Variants in TCF25 observed in about 807,000 individuals in gnomAD.
The protein encoded by TCF25 is TCF25 ribosome quality control complex subunit.
A neutral mutation model predicts 83.1 loss-of-function variants in TCF25; 41 were observed. The ratio of observed to expected loss-of-function variants is 0.49; its 90% CI spans 0.38 to 0.64. The LOEUF is 0.64. TCF25 is among the 30% of genes least tolerant of loss of function. The pLI is 0.00. For synonymous variants in TCF25, 458 were observed against 365.0 expected (o/e 1.25, Z -2.90); for missense variants, 979 against 914.5 (o/e 1.07, Z -0.91).
chr16:89,905,050 C>T lies in TCF25; in HGVS notation c.1582C>T (p.Gln528Ter). ...GGAGGAGAACGTCCACGAGGTTCTG[C>T]AAGCAGTGGACGCCGGGGACCCAGC... ...WLEENVHEVL[Q>*]AVDAGDPAVE... The change falls in exon 14 of 18, where the codon CAA becomes TAA. Residue 528 changes from glutamine (Q) to a stop codon, truncating the protein, a stop_gained. Coordinates refer to ENST00000263346, the MANE Select transcript of TCF25 (RefSeq NM_014972.3). LOFTEE classifies it high-confidence loss of function. 3 of 1,603,616 alleles carry T rather than the reference C, an allele frequency of 1.9e-6. No individual in the cohort carries two copies. The highest frequency in any genetic ancestry group is 2.6e-6 in the Non-Finnish European group (3 of 1,175,750).
In TCF25 at chr16:89,883,514, T is replaced by A; in HGVS notation, c.354+2T>A. 6.3e-7 allele frequency: 1 copy of A among 1,594,022 alleles called. No individual in the cohort carries two copies. The highest frequency in any genetic ancestry group is 8.5e-7 in the Non-Finnish European group (1 of 1,171,610). On this transcript the variant is annotated splice_donor_variant, in intron 2 of 17. Coordinates refer to ENST00000263346, the MANE Select transcript of TCF25 (RefSeq NM_014972.3). LOFTEE classifies it high-confidence loss of function. ...ACCGAGACAGTGCCCTCAGAGCAGG[T>A]GGGGGGCTGAGTGGTGAGGAGGTGG...
intron 3 of TCF25, 29 bp from the exon 4 acceptor site, chr16:89,885,819 T>G (rs1054297239): frequency 6.6e-7 from 1 of 1,512,616 alleles, no homozygotes; most frequent in Non-Finnish European, 9.2e-7. Context: ...GTCAGTGTGG[T>G]GATTAAGAGG....
rs2043610584 is a variant in TCF25, at chr16:89,893,779, T to A, written c.749T>A (p.Phe250Tyr). Reference protein sequence around the residue: ...ESKKGLSFFAFEHSEEYQQAQ... With the variant: ...ESKKGLSFFAYEHSEEYQQAQ... ...AAAAAAGGCCTCTCCTTCTTTGCGT[T>A]TGAGCACAGTGAGGAGTACCAGCAG... Residue 250 changes from phenylalanine (F) to tyrosine (Y), a missense_variant, in exon 7 of 18, where the codon TTT becomes TAT. Phe to Tyr is a conservative substitution (Grantham distance 22). Coordinates refer to ENST00000263346, the MANE Select transcript of TCF25 (RefSeq NM_014972.3). 1.2e-6 allele frequency: 2 copies of A among 1,613,606 alleles called. No homozygotes were observed.
chr16:89,907,489 T>A (rs1188961448), intron 16 of TCF25, among the ~76,000 whole-genome samples, 167 bp downstream of exon 16: 1 of 83,956 alleles, frequency 1.2e-5, no homozygotes, highest in Non-Finnish European at 2.4e-5. Flanking sequence ...ACCTCCCAGC[T>A]CCCACCTCCC....
chr16:89,905,005 C>T lies in TCF25; in HGVS notation c.1537C>T (p.Pro513Ser), dbSNP rs1567735414. The T allele has an allele frequency of 6.2e-7, 1 of 1,605,908 alleles. No individual in the cohort carries two copies. The change falls in exon 14 of 18, where the codon CCC becomes TCC. Residue 513 changes from proline (P) to serine (S), a missense_variant. By Grantham distance (74) the Pro-to-Ser change is moderately conservative (BLOSUM62 -1). Transcript: ENST00000263346. ...GAGGTCACACTTTCTCTGGAAAGAG[C>T]CCGCCACCATGAGCTGGCTGGAGGA... ...LGRSHFLWKE[P>S]ATMSWLEENV...
intron 9 of TCF25, among the ~76,000 whole-genome samples, chr16:89,897,974 G>A (rs1055201188): frequency 6.6e-6 from 1 of 152,068 alleles, no homozygotes; most frequent in African/African-American, 2.4e-5. Context: ...GTGGTGGCGG[G>A]TGCCTGTAGT....
intron 3 of TCF25, among the ~76,000 whole-genome samples, chr16:89,885,102 C>T (rs62052176): frequency 0.045 from 5,222 of 116,756 alleles, 359 homozygotes; most frequent in African/African-American, 0.18. Flanking sequence ...CTCTGCCTGA[C>T]GCCCTCTCCC....
intron 16 of TCF25, among the ~76,000 whole-genome samples, chr16:89,908,812 G>GCAGCTCC (rs140194835): frequency 0.32 from 20,066 of 63,696 alleles, 1,689 homozygotes; most frequent in South Asian, 0.46. Flanking sequence ...CTCCCACCTC[G>GCAGCTCC]CAGCTCCCAG....
At chr16:89,889,519 C>G (rs1365721559) in intron 5 of TCF25, 3 of 164,232 alleles carry the variant, frequency 1.8e-5, no homozygotes, top group Non-Finnish European at 3.9e-5. Flanking sequence ...TATTGCTGGT[C>G]TATAACATGC....
Position 89,898,608 on chromosome 16 carries a change from C to G in TCF25, c.1074C>G (p.Gly358=). The G allele has an allele frequency of 6.2e-7, 1 of 1,612,012 alleles. No individual in the cohort carries two copies. Among genetic ancestry groups the G allele is most frequent in the Non-Finnish European group, 8.5e-7 (1 of 1,179,960 alleles). ...YKQMSFLEKR[G]CPRTALEYCK... is the part of the protein sequence containing the mutation. ...AGATGAGCTTCCTGGAGAAGCGAGGCTGCCCGCGCACGGCGCTGGAGTACT... is the reference window on the plus strand; with the variant it reads ...AGATGAGCTTCCTGGAGAAGCGAGGGTGCCCGCGCACGGCGCTGGAGTACT... Residue 358 remains glycine (G), a synonymous_variant, in exon 10 of 18, where the codon GGC becomes GGG. Coordinates refer to ENST00000263346, the MANE Select transcript of TCF25 (RefSeq NM_014972.3).
chr16:89,877,775 G>A (rs942608577), intron 1 of TCF25, among the ~76,000 whole-genome samples: 8 of 152,262 alleles, frequency 5.3e-5, no homozygotes, highest in Admixed American at 3.9e-4. Context: ...GTCCAGGTAC[G>A]TTACCATTTT....
intron 16 of TCF25, among the ~76,000 whole-genome samples, chr16:89,908,682 GCTCCCAC>G (rs1567746239): frequency 9.7e-4 from 1 of 1,032 alleles, no homozygotes; most frequent in African/African-American, 3.6e-3. Context: ...CCTCCTCCCA[GCTCCCAC>G]CTCCCGCCTC....
intron 1 of TCF25, chr16:89,878,334 C>G (rs2042343975): frequency 1.1e-6 from 1 of 907,846 alleles, no homozygotes. Context: ...GCCGGTAATC[C>G]CAGCACTGTG....
rs546398261 is a variant in TCF25 at position 89,896,017 on chromosome 16, C to T, written c.956C>T (p.Ala319Val). The change falls in exon 9 of 18, where the codon GCG (alanine) becomes GTG (valine). Residue 319 changes from alanine to valine, a missense_variant. Coordinates refer to ENST00000263346, the MANE Select transcript of TCF25 (RefSeq NM_014972.3). ...VERALYSMEC[A>V]FHPLFSLTSG... ...AGAGCGCTGTACAGCATGGAATGTG[C>T]GTTCCACCCCCTGTTCAGTCTCACC... 18 of 1,613,872 alleles carry T rather than the reference C, an allele frequency of 1.1e-5. No individual in the cohort carries two copies. The South Asian group carries it at 1.4e-4, about 13-fold the overall frequency.
At position 89,877,235 on chromosome 16, in the gene TCF25, G is replaced by T. The variant is rs112639564; in HGVS notation, c.192+3376G>T. ...TTTGGTTTTTTGGAGACAGAGTCTCGCTCTATTGCCCAGGCTGGAGTTCAA... is the reference window on the plus strand; with the variant it reads ...TTTGGTTTTTTGGAGACAGAGTCTCTCTCTATTGCCCAGGCTGGAGTTCAA... On this transcript the variant is annotated intron_variant, in intron 1 of 17. Transcript: ENST00000263346. 3.4e-4 allele frequency among the ~76,000 whole-genome samples: 52 copies of T among 152,040 alleles called. 1 individual carries two copies. Among genetic ancestry groups the T allele is most frequent in the African/African-American group, 1.2e-3 (49 of 41,448 alleles).
At chr16:89,892,317 G>T (rs926682425) in intron 6 of TCF25, 42 bp downstream of exon 6, 2 of 1,582,618 alleles carry the variant, frequency 1.3e-6, no homozygotes, top group Admixed American at 1.8e-5. Flanking sequence ...GGGTTGGGGG[G>T]CGTTGTCTGT....
In TCF25 at chr16:89,906,294, A is replaced by T; in HGVS notation, c.1719+10A>T. On this transcript the variant is annotated intron_variant, in intron 15 of 17. Coordinates refer to ENST00000263346, the MANE Select transcript of TCF25 (RefSeq NM_014972.3). ...CGCTGCCCTGCCCCCGGTAAGGGAGAAAGGCTGAAATGGGAGCTCTGTGTA... is the reference window on the plus strand; with the variant it reads ...CGCTGCCCTGCCCCCGGTAAGGGAGTAAGGCTGAAATGGGAGCTCTGTGTA... 1 of 1,612,014 alleles carries T rather than the reference A, an allele frequency of 6.2e-7. No individual in the cohort carries two copies. Among genetic ancestry groups the T allele is most frequent in the Non-Finnish European group, 8.5e-7 (1 of 1,179,538 alleles).
At chr16:89,896,836 G>A (rs1471459051) in intron 9 of TCF25, among the ~76,000 whole-genome samples, 2 of 152,146 alleles carry the variant, frequency 1.3e-5, no homozygotes, top group East Asian at 1.9e-4. Flanking sequence ...TTACAGGCGT[G>A]AGCCACCGCG....
intron 7 of TCF25, among the ~76,000 whole-genome samples, chr16:89,894,194 G>T (rs1597331955): frequency 6.6e-6 from 1 of 151,864 alleles, no homozygotes; most frequent in Admixed American, 6.5e-5. Flanking sequence ...CAGTGCAGGC[G>T]AGCAGCTCAG....
Sources: allele counts gnomAD v4.1 joint callset (sites outside exome capture counted in the v4.1 genomes callset), GRCh38; gene constraint gnomAD v4.1.1; transcripts MANE v1.5; gene names NCBI Gene and HGNC (gene_info 2026-07-23, HGNC 2026-07-21).